Variants in OTP observed in about 807,000 individuals in gnomAD.
The protein encoded by OTP is homeobox protein orthopedia.
Under a neutral mutation model 22.3 loss-of-function variants are expected in OTP, and 5 were observed. That is an observed-to-expected ratio of 0.22 (90% CI 0.12 to 0.47). The LOEUF is 0.47. Ranked by LOEUF, OTP falls within the 20% of genes least tolerant of loss-of-function variation. The probability of loss-of-function intolerance (pLI) is 0.99; values close to 1 mark genes in which losing one functional copy is unlikely to be tolerated. For synonymous variants in OTP, 229 were observed against 210.6 expected (o/e 1.09, Z -0.76); for missense variants, 428 against 456.2 (o/e 0.94, Z 0.56).
intron 1 of OTP, among the ~76,000 whole-genome samples, chr5:77,637,623 G>C (rs74410906): frequency 0.031 from 4,671 of 152,252 alleles, 248 homozygotes; most frequent in African/African-American, 0.11. Context: ...ACAATTCCTC[G>C]GTTGCTGCGG....
intron 2 of OTP, among the ~76,000 whole-genome samples, chr5:77,633,769 A>G (rs148135699): frequency 1.6e-4 from 25 of 152,090 alleles, no homozygotes; most frequent in Admixed American, 3.9e-4. Flanking sequence ...AGAAAGAGAG[A>G]ATATTACTTT....
Position 77,630,378 on chromosome 5 carries a change from G to A in OTP, c.864C>T (p.Ser288=). The A allele has an allele frequency of 6.3e-7, 1 of 1,578,620 alleles. No homozygotes were observed. The highest frequency in any genetic ancestry group is 8.6e-7 in the Non-Finnish European group (1 of 1,165,990). ...GGGAGCTGCAGAGCTGGGGCGAACC[G>A]GAGACGTTGCTGGGGCCGGGGAGGG... ...PASLPGPSNV[S]GSPQLCSSPD... Residue 288 remains serine, a synonymous_variant, in exon 3 of 3, where the codon TCC becomes TCT. Coordinates refer to ENST00000306422, the MANE Select transcript of OTP (RefSeq NM_032109.3).
At chr5:77,637,592 G>A (rs1362792600) in intron 1 of OTP, among the ~76,000 whole-genome samples, 2 of 151,688 alleles carry the variant, frequency 1.3e-5, no homozygotes, top group Non-Finnish European at 2.9e-5. Flanking sequence ...ACAGGGGTGC[G>A]GGGGGCAGAA....
At chr5:77,636,721 A>T in intron 2 of OTP, 100 bp downstream of exon 2, 1 of 1,227,812 alleles carries the variant, frequency 8.1e-7, no homozygotes, top group Admixed American at 2.3e-5. Flanking sequence ...GCCTGAAAGC[A>T]GCCCAGGATC....
chr5:77,635,781 C>T (rs531025114), intron 2 of OTP: 2 of 152,082 alleles, frequency 1.3e-5, no homozygotes, highest in South Asian at 2.1e-4. Flanking sequence ...TACCACCGTC[C>T]AAGACGGCAA....
chr5:77,636,928 C>G lies in OTP; in HGVS notation c.340G>C (p.Ala114Pro). Residue 114 changes from alanine to proline, a missense_variant, in exon 2 of 3, where the codon GCA becomes CCA. Coordinates refer to ENST00000306422, the MANE Select transcript of OTP (RefSeq NM_032109.3). ...QKRHRTRFTP[A>P]QLNELERSFA... ...CTCCTCTCCAACTCGTTGAGCTGTG[C>G]GGGGGTGAAGCGCGTCCGGTGGCGC... 1 of 1,614,202 alleles carries G rather than the reference C, an allele frequency of 6.2e-7. No individual in the cohort carries two copies. The highest frequency in any genetic ancestry group is 8.5e-7 in the Non-Finnish European group (1 of 1,180,024).
In OTP at chr5:77,630,209, TCGGGGCGGCCCC is replaced by T. The variant is rs1210690168; in HGVS notation, c.*43_*54del. The stretch of plus-strand genomic sequence containing the variant: ...GGTCCGGGTGCGCGCCGGAAGGGCC[TCGGGGCGGCCCC>T]CGGGGCGGTGCTGGGGGCGGAGCGG... On this transcript the variant is annotated 3_prime_UTR_variant, in exon 3 of 3. Transcript: ENST00000306422. 9.7e-5 allele frequency: 124 copies of T among 1,278,760 alleles called. No individual in the cohort carries two copies. Among genetic ancestry groups the T allele is most frequent in the Non-Finnish European group, 1.2e-4 (122 of 992,650 alleles). 79.2% of individuals were successfully genotyped at this position (1,278,760 alleles called of 1,614,324 possible). A position where few individuals can be genotyped will look rare whatever the true frequency, so the allele number is the denominator to read the frequency against.
At chr5:77,633,608 A>T (rs1266763265) in intron 2 of OTP, among the ~76,000 whole-genome samples, 1 of 152,192 alleles carries the variant, frequency 6.6e-6, no homozygotes, top group Non-Finnish European at 1.5e-5. Context: ...TTAATACAAC[A>T]GTGAGAATCT....
chr5:77,630,987 C>T (rs999777457), intron 2 of OTP, among the ~76,000 whole-genome samples, 193 bp from the exon 3 acceptor site: 1 of 152,258 alleles, frequency 6.6e-6, no homozygotes, highest in Non-Finnish European at 1.5e-5. Flanking sequence ...GCAACTGGCG[C>T]CCCCTGCACC....
intron 2 of OTP, among the ~76,000 whole-genome samples, chr5:77,630,995 A>T (rs1744920650): frequency 6.6e-6 from 1 of 152,178 alleles, no homozygotes. Flanking sequence ...CGCCCCCTGC[A>T]CCCACCAAGC....
intron 2 of OTP, 106 bp from the exon 3 acceptor site, chr5:77,630,900 C>T (rs1175828445): frequency 9.6e-6 from 12 of 1,248,760 alleles, no homozygotes; most frequent in African/African-American, 1.6e-5. Flanking sequence ...AGCCGCTCTG[C>T]CCTGGGAGGA....
chr5:77,636,485 G>T, intron 2 of OTP: 1 of 319,110 alleles, frequency 3.1e-6, no homozygotes. Flanking sequence ...AGCAGGAGTT[G>T]AGGTGTGCGC....
At chr5:77,636,416 T>C (rs1354540127) in intron 2 of OTP, 1 of 173,902 alleles carries the variant, frequency 5.8e-6, no homozygotes, top group Admixed American at 6.2e-5. Flanking sequence ...GTTGCATTCC[T>C]CCTTTTATCC....
At chr5:77,633,239 C>T (rs1303721723) in intron 2 of OTP, among the ~76,000 whole-genome samples, 4 of 151,542 alleles carry the variant, frequency 2.6e-5, no homozygotes, top group Admixed American at 6.6e-5. Flanking sequence ...CAGGCACAGG[C>T]GGAAAAGAAC....
chr5:77,638,477 T>C, intron 1 of OTP, 36 bp downstream of exon 1: 1 of 1,560,556 alleles, frequency 6.4e-7, no homozygotes, highest in Non-Finnish European at 8.7e-7. Flanking sequence ...CTGCCCCGGC[T>C]TCTCCTGGCT....
rs866920490 is a variant in OTP at position 77,637,088 on chromosome 5, C to T, written c.180G>A (p.Gly60=). Residue 60 remains glycine, a synonymous_variant, in exon 2 of 3, where the codon GGG becomes GGA. Transcript: ENST00000306422. The stretch of plus-strand genomic sequence containing the variant: ...TAGAGCCCACTGTGGTGATGTCCTC[C>T]CCGGGCAGCAGAGTGGCTCCCTCCA... The part of the protein sequence containing the change: ...DPVEGATLLP[G]EDITTVGSTP... 1 of 1,613,306 alleles carries T rather than the reference C, an allele frequency of 6.2e-7. No individual in the cohort carries two copies. Among genetic ancestry groups the T allele is most frequent in the South Asian group, 1.1e-5 (1 of 91,026 alleles).
Position 77,630,718 on chromosome 5 carries a change from A to C in OTP, c.524T>G (p.Leu175Arg). The change falls in exon 3 of 3, where the codon CTG (leucine) becomes CGG (arginine). Residue 175 changes from leucine (L) to arginine (R), a missense_variant. Coordinates refer to ENST00000306422, the MANE Select transcript of OTP (RefSeq NM_032109.3). The stretch of plus-strand genomic sequence containing the variant: ...CTGAGGCAGGCCTGGCGTGGGCAGC[A>C]GTGTGCCGGGCGCACGGAACACGTT... ...TTNVFRAPGT[L>R]LPTPGLPQFP... 2 of 1,583,824 alleles carry C rather than the reference A, an allele frequency of 1.3e-6. No homozygotes were observed. The highest frequency in any genetic ancestry group is 1.7e-6 in the Non-Finnish European group (2 of 1,173,880).
intron 1 of OTP, 81 bp downstream of exon 1, chr5:77,638,432 C>T: frequency 7.5e-7 from 1 of 1,342,124 alleles, no homozygotes; most frequent in Admixed American, 2.0e-5. Flanking sequence ...ATTTAGGTCG[C>T]ATTAAGGTAA....
intron 2 of OTP, among the ~76,000 whole-genome samples, chr5:77,634,046 T>A (rs1744971047): frequency 6.6e-6 from 1 of 152,216 alleles, no homozygotes; most frequent in Non-Finnish European, 1.5e-5. Flanking sequence ...ACAGGGCCAT[T>A]CTGGGGGACA....
Sources: allele counts gnomAD v4.1 joint callset (sites outside exome capture counted in the v4.1 genomes callset), GRCh38; gene constraint gnomAD v4.1.1; transcripts MANE v1.5; gene names NCBI Gene and HGNC (gene_info 2026-07-23, HGNC 2026-07-21).